ADGRD1: variants seen among roughly 807,000 people sequenced by gnomAD.
ADGRD1 encodes G-protein coupled receptor 133.
A neutral mutation model predicts 113.4 loss-of-function variants in ADGRD1; 77 were observed. The ratio of observed to expected loss-of-function variants is 0.68; its 90% CI spans 0.57 to 0.82. The LOEUF (loss-of-function observed/expected upper bound fraction) is 0.82. ADGRD1 is among the 40% of genes least tolerant of loss of function. The pLI is 0.00. For synonymous variants in ADGRD1, 474 were observed against 475.0 expected, an observed-to-expected ratio of 1.00 and a Z score of 0.03; for missense variants, 1,036 against 1,139.1, an observed-to-expected ratio of 0.91 and a Z score of 1.30.
intron 20 of ADGRD1, among the ~76,000 whole-genome samples, chr12:131,128,986 G>A (rs561055829): frequency 8.6e-6 from 1 of 116,284 alleles, no homozygotes; most frequent in African/African-American, 3.4e-5. Flanking sequence ...CTGGGTGTGA[G>A]TGGCAGCCCC....
chr12:131,011,078 C>A (rs1345051743), intron 12 of ADGRD1, among the ~76,000 whole-genome samples: 1 of 146,424 alleles, frequency 6.8e-6, no homozygotes, highest in East Asian at 2.1e-4. Flanking sequence ...ACAGCCTCTG[C>A]CCCACCCTGC....
intron 21 of ADGRD1, among the ~76,000 whole-genome samples, chr12:131,135,133 C>G (rs1270350398): frequency 6.6e-6 from 1 of 152,198 alleles, no homozygotes; most frequent in East Asian, 1.9e-4. Flanking sequence ...CACAGCACAT[C>G]AGGAATGGCT....
chr12:131,018,321 T>G (rs756374010), intron 13 of ADGRD1, among the ~76,000 whole-genome samples: 1 of 152,188 alleles, frequency 6.6e-6, no homozygotes, highest in Non-Finnish European at 1.5e-5. Context: ...TGTCTGACCC[T>G]TCACGCCGGG....
intron 12 of ADGRD1, among the ~76,000 whole-genome samples, chr12:131,013,798 A>G (rs1417583182): frequency 6.6e-6 from 1 of 152,196 alleles, no homozygotes; most frequent in African/African-American, 2.4e-5. Flanking sequence ...CCAAGGTCAC[A>G]CAGCTGATTA....
chr12:131,094,121 G>A (rs1050237543), intron 15 of ADGRD1, among the ~76,000 whole-genome samples: 8 of 146,836 alleles, frequency 5.4e-5, no homozygotes, highest in East Asian at 2.0e-4. Context: ...ACCCAGCCTC[G>A]GTACCCAGCC....
At chr12:131,117,839 C>G (rs1950505235) in intron 18 of ADGRD1, among the ~76,000 whole-genome samples, 1 of 152,230 alleles carries the variant, frequency 6.6e-6, no homozygotes, top group Non-Finnish European at 1.5e-5. Flanking sequence ...TCACACCTTT[C>G]CACCGCCGCT....
intron 14 of ADGRD1, among the ~76,000 whole-genome samples, chr12:131,081,411 A>T (rs557567415): frequency 2.0e-5 from 3 of 151,996 alleles, no homozygotes; most frequent in Non-Finnish European, 2.9e-5. Flanking sequence ...ATGCTATTTT[A>T]TCTCTACTAT....
intron 13 of ADGRD1, among the ~76,000 whole-genome samples, chr12:131,031,617 C>A (rs1437880491): frequency 6.6e-6 from 1 of 152,136 alleles, no homozygotes; most frequent in Non-Finnish European, 1.5e-5. Flanking sequence ...CACCCACCTG[C>A]CCCTCCCCTT....
intron 13 of ADGRD1, among the ~76,000 whole-genome samples, chr12:131,034,709 G>A (rs1881180282): frequency 6.6e-6 from 1 of 152,156 alleles, no homozygotes; most frequent in Admixed American, 6.5e-5. Context: ...AGGACACGGT[G>A]GTGGCCCCTC....
chr12:131,066,076 T>C (rs573355084), intron 13 of ADGRD1, among the ~76,000 whole-genome samples: 8 of 152,158 alleles, frequency 5.3e-5, no homozygotes, highest in Non-Finnish European at 1.2e-4. Flanking sequence ...CAGGGGCCCT[T>C]AGTCCATTTG....
At position 130,991,027 on chromosome 12, in the gene ADGRD1, A is replaced by C. The variant is rs1566006870; in HGVS notation, c.759A>C (p.Leu253Phe). 1 of 1,614,006 alleles carries C rather than the reference A, an allele frequency of 6.2e-7. No homozygotes were observed. ...YFTAAIGKHALLSSTLPSLFM... is the reference protein window; with the variant it reads ...YFTAAIGKHAFLSSTLPSLFM... ...TGTTTCTTCCAGGAAAGCATGCTTT[A>C]TTGTCTTCAACGCTGCCAAGCCTCT... Residue 253 changes from leucine to phenylalanine, a missense_variant, in exon 7 of 25, where the codon TTA becomes TTC. Transcript: ENST00000261654.
At chr12:131,062,676 C>T (rs1884429764) in intron 13 of ADGRD1, among the ~76,000 whole-genome samples, 1 of 152,126 alleles carries the variant, frequency 6.6e-6, no homozygotes. Context: ...GGACTTTGCT[C>T]CTCATTAGGT....
intron 15 of ADGRD1, among the ~76,000 whole-genome samples, chr12:131,101,340 C>A (rs1187306431): frequency 3.2e-5 from 4 of 123,726 alleles, no homozygotes; most frequent in East Asian, 4.5e-4. Context: ...GATTTTTCTT[C>A]TTTTCTTTCT....
rs74748454 is a variant in ADGRD1 at position 131,005,025 on chromosome 12, C to T, written c.1255+729C>T. Among the ~76,000 whole-genome samples the T allele has an allele frequency of 5.1e-3, 780 of 152,324 alleles. 9 individuals carry two copies. Among genetic ancestry groups the T allele is most frequent in the African/African-American group, 0.017 (727 of 41,576 alleles). On this transcript the variant is annotated intron_variant, in intron 11 of 24. Transcript: ENST00000261654. ...CCCCTGCCACCCTGGCCAGAGGCCA[C>T]GCCCCCTTCCCAGGGTTCTGCCTTA...
chr12:131,092,493 G>A (rs10848281), intron 15 of ADGRD1, among the ~76,000 whole-genome samples: 12 of 152,068 alleles, frequency 7.9e-5, no homozygotes, highest in Admixed American at 2.6e-4. Flanking sequence ...GTCGAGGAGC[G>A]TGTGGGAGGT....
chr12:131,042,920 T>A (rs972267441), intron 13 of ADGRD1, among the ~76,000 whole-genome samples: 2 of 152,206 alleles, frequency 1.3e-5, no homozygotes, highest in African/African-American at 2.4e-5. Flanking sequence ...CATTCCCCAG[T>A]GGTAACTGTC....
rs765575627 is a variant in ADGRD1 at position 130,954,577 on chromosome 12, G to A, written c.66+46G>A. 13 of 1,613,696 alleles carry A rather than the reference G, an allele frequency of 8.1e-6. No individual in the cohort carries two copies. In the African/African-American group the frequency reaches 9.3e-5, roughly 12 times the overall value. On this transcript the variant is annotated intron_variant, in intron 1 of 24. Coordinates refer to ENST00000261654, the MANE Select transcript of ADGRD1 (RefSeq NM_198827.5). This position sits in a 1 kb window ranked among gnomAD's most constrained non-coding sequence, Gnocchi z 4.7. ...GGATGGCGACAGGCTTGGTTTCTCC[G>A]GAGGCTTTCCCTGAGTGTGTCTCAC...
At chr12:131,105,914 T>G (rs1463852571) in intron 17 of ADGRD1, 49 bp downstream of exon 17, 2 of 1,379,350 alleles carry the variant, frequency 1.4e-6, no homozygotes, top group Non-Finnish European at 1.0e-6. Flanking sequence ...CCTTGCCTCC[T>G]CGGATGTCAC....
In ADGRD1 at chr12:131,076,234, C is replaced by CA. The variant is rs568843469; in HGVS notation, c.1474-566dup. On this transcript the variant is annotated intron_variant, in intron 13 of 24. Transcript: ENST00000261654. The stretch of plus-strand genomic sequence containing the variant: ...CCTGGGGATGCAGCCGTGAATGAGA[C>CA]AGAAGCTCTATCCTTTCTGTAGTGG... 2.1e-3 allele frequency among the ~76,000 whole-genome samples: 327 copies of CA among 152,318 alleles called. 1 individual carries two copies. Among genetic ancestry groups the CA allele is most frequent in the African/African-American group, 7.3e-3 (302 of 41,572 alleles).
Sources: gnomAD v4.1 joint callset for allele counts (sites outside exome capture counted in the v4.1 genomes callset) on GRCh38, gnomAD v4.1.1 for gene constraint, Gnocchi (gnomAD v3.1) non-coding constraint, MANE v1.5 for transcripts, NCBI Gene and HGNC (gene_info 2026-07-23, HGNC 2026-07-21) for gene names.